The following NUDT5 variants were observed in gnomAD, a reference collection of about 807,000 sequenced individuals.
NUDT5 encodes the protein nudix hydrolase 5.
NUDT5 carries 21 observed loss-of-function variants against 34.1 expected under a neutral mutation model. That is an observed-to-expected ratio of 0.62 (90% CI 0.44 to 0.89). The LOEUF (loss-of-function observed/expected upper bound fraction) is 0.89. Ranked by LOEUF, NUDT5 falls within the 40% of genes least tolerant of loss-of-function variation. The pLI, the probability that NUDT5 is intolerant of heterozygous loss-of-function variation, is 0.00. For missense variants in NUDT5, 249 were observed against 274.8 expected (o/e 0.91, Z 0.66); for synonymous variants, 85 against 97.6 (o/e 0.87, Z 0.76).
In NUDT5 at chr10:12,171,388, G is replaced by A. The variant is rs1436423979; in HGVS notation, c.488-480C>T. Reference sequence around the variant, plus strand: ...TTGTCTATTCTGGGCACCCAGATACGTAGAATCAGAGTATTTGCCCATCAT... The same window carrying A: ...TTGTCTATTCTGGGCACCCAGATACATAGAATCAGAGTATTTGCCCATCAT... On this transcript the variant is annotated intron_variant, in intron 7 of 9. Coordinates refer to ENST00000491614, the MANE Select transcript of NUDT5 (RefSeq NM_014142.4). The surrounding 1 kb of genome is among the most constrained non-coding windows in gnomAD (Gnocchi z 4.2). 6.6e-6 allele frequency among the ~76,000 whole-genome samples: 1 copy of A among 152,146 alleles called. No homozygotes were observed. The highest frequency in any genetic ancestry group is 1.5e-5 in the Non-Finnish European group (1 of 68,032).
chr10:12,189,894 A>AT (rs34725302), intron 1 of NUDT5, among the ~76,000 whole-genome samples: 23 of 130,868 alleles, frequency 1.8e-4, no homozygotes, highest in African/African-American at 5.1e-4. Flanking sequence ...GTGTTCTACA[A>AT]TTTTTTTTTT....
Position 12,169,232 on chromosome 10 carries a change from T to A in NUDT5, c.551-1421A>T. 1 of 1,489,696 alleles carries A rather than the reference T, an allele frequency of 6.7e-7. No individual in the cohort carries two copies. Among genetic ancestry groups the A allele is most frequent in the South Asian group, 1.2e-5 (1 of 81,950 alleles). The allele number at this position is 1,489,696 out of a possible 1,614,324, so 92.3% of individuals were successfully genotyped here. A position where few individuals can be genotyped will look rare whatever the true frequency, so the allele number is the denominator to read the frequency against. On this transcript the variant is annotated intron_variant, in intron 9 of 9. Coordinates refer to ENST00000491614, the MANE Select transcript of NUDT5 (RefSeq NM_014142.4). The surrounding 1 kb of genome is among the most constrained non-coding windows in gnomAD (Gnocchi z 4.8). ...CCCTCTCTCCACCTCCCCTCACTTA[T>A]TCTATTTTTTTCTCCCTTTTCTAAG...
rs1835037473 is a variant in NUDT5 at position 12,181,302 on chromosome 10, T to C, written c.132-2170A>G. 6.6e-6 allele frequency among the ~76,000 whole-genome samples: 1 copy of C among 152,196 alleles called. No individual in the cohort carries two copies. The highest frequency in any genetic ancestry group is 6.5e-5 in the Admixed American group (1 of 15,280). On this transcript the variant is annotated intron_variant, in intron 3 of 9. Transcript: ENST00000491614. The surrounding 1 kb of genome is among the most constrained non-coding windows in gnomAD (Gnocchi z 5.0). ...CATACTGAGTATCTGCATTTTCATA[T>C]CAGGGACTTCAGCATCTGTGGATTT...
At chr10:12,167,937 GTT>G (rs71513318) in intron 9 of NUDT5, 126 bp from the exon 10 acceptor site, 2 of 1,436,758 alleles carry the variant, frequency 1.4e-6, no homozygotes, top group Non-Finnish European at 1.8e-6. Flanking sequence ...TGGTGATAAC[GTT>G]TTTTTTGGTC....
In NUDT5 at chr10:12,182,623, C is replaced by T. The variant is rs1835060161; in HGVS notation, c.131+2266G>A. On this transcript the variant is annotated intron_variant, in intron 3 of 9. Coordinates refer to ENST00000491614, the MANE Select transcript of NUDT5 (RefSeq NM_014142.4). The surrounding 1 kb of genome is among the most constrained non-coding windows in gnomAD (Gnocchi z 4.3). The stretch of plus-strand genomic sequence containing the variant: ...TAGATATTCTGAAGTGAGATTTCGT[C>T]GTATTTTCAGAAAAGTCCCCATATG... Among the ~76,000 whole-genome samples, 1 of 152,132 alleles carries T rather than the reference C, an allele frequency of 6.6e-6. No homozygotes were observed. The highest frequency in any genetic ancestry group is 1.5e-5 in the Non-Finnish European group (1 of 68,030).
At chr10:12,167,916 A>C in intron 9 of NUDT5, 105 bp from the exon 10 acceptor site, 1 of 1,512,230 alleles carries the variant, frequency 6.6e-7, no homozygotes, top group Non-Finnish European at 8.8e-7. Flanking sequence ...GTCACTTCCT[A>C]TGCTAGATGC....
Position 12,195,798 on chromosome 10 carries a change from A to T in NUDT5, c.-70T>A. The stretch of plus-strand genomic sequence containing the variant: ...AAGGTGTAGGGGTGAAGAACGGAAG[A>T]GGACGAAATAACTAGCTGGAGGCAG... On this transcript the variant is annotated 5_prime_UTR_variant, in exon 1 of 10. Coordinates refer to ENST00000491614, the MANE Select transcript of NUDT5 (RefSeq NM_014142.4). The T allele has an allele frequency of 4.6e-6, 1 of 215,904 alleles. No homozygotes were observed. Among genetic ancestry groups the T allele is most frequent in the Non-Finnish European group, 9.6e-6 (1 of 104,454 alleles). 13.4% of individuals were successfully genotyped at this position (215,904 alleles called of 1,614,324 possible).
Position 12,177,821 on chromosome 10 carries a change from C to A in NUDT5, c.261G>T (p.Met87Ile). ...IVLVKQFRPP[M>I]GGYCIEFPAG... ...CAGGGAACTCTATGCAGTAGCCCCC[C>A]ATTGGTGGTCGGAACTGTTTCACCA... The change falls in exon 5 of 10, where the codon ATG becomes ATT. Residue 87 changes from methionine to isoleucine, a missense_variant. Met to Ile is a conservative substitution (Grantham distance 10). Transcript: ENST00000491614. 1 of 1,614,080 alleles carries A rather than the reference C, an allele frequency of 6.2e-7. No homozygotes were observed. The highest frequency in any genetic ancestry group is 8.5e-7 in the Non-Finnish European group (1 of 1,179,928).
Position 12,169,182 on chromosome 10 carries a change from C to G in NUDT5, c.551-1371G>C, listed in dbSNP as rs983884368. 5.5e-6 allele frequency: 5 copies of G among 910,110 alleles called. No individual in the cohort carries two copies. Among genetic ancestry groups the G allele is most frequent in the African/African-American group, 1.7e-5 (1 of 58,876 alleles). The allele number at this position is 910,110 out of a possible 1,614,324, so 56.4% of individuals were successfully genotyped here. A position where few individuals can be genotyped will look rare whatever the true frequency, so the allele number is the denominator to read the frequency against. ...AAGCTAGGCAACTTGGTTCTTTTAC[C>G]CCTCCTCCTTTATAGCCATAGTAGC... On this transcript the variant is annotated intron_variant, in intron 9 of 9. Coordinates refer to ENST00000491614, the MANE Select transcript of NUDT5 (RefSeq NM_014142.4). The surrounding 1 kb of genome is among the most constrained non-coding windows in gnomAD (Gnocchi z 4.8).
In NUDT5 at chr10:12,173,845, C is replaced by T. The variant is rs564965296; in HGVS notation, c.290-32G>A. ...GTCCAAATCATTGGTGTGATGGGAG[C>T]GGGAAATCCGGTTCTTTAAACCCTC... On this transcript the variant is annotated intron_variant, in intron 5 of 9. Coordinates refer to ENST00000491614, the MANE Select transcript of NUDT5 (RefSeq NM_014142.4). The surrounding 1 kb of genome is among the most constrained non-coding windows in gnomAD (Gnocchi z 4.7). The T allele has an allele frequency of 1.3e-5, 19 of 1,473,154 alleles. No individual in the cohort carries two copies. The African/African-American group carries it at 1.5e-4, about 11-fold the overall frequency. The allele number at this position is 1,473,154 out of a possible 1,614,324, so 91.3% of individuals were successfully genotyped here.
Position 12,184,919 on chromosome 10 carries a change from G to GT in NUDT5, c.100dup (p.Thr34AsnfsTer9). ...TTTACCAGTAGGATCCATGTACGTT[G>GT]TTTTTTCAAGCTTGACCCATTTTCC... On this transcript the variant is annotated frameshift_variant, in exon 3 of 10. Transcript: ENST00000491614. LOFTEE classifies it high-confidence loss of function. 1 of 1,586,934 alleles carries GT rather than the reference G, an allele frequency of 6.3e-7. No homozygotes were observed. The highest frequency in any genetic ancestry group is 8.6e-7 in the Non-Finnish European group (1 of 1,160,072).
At position 12,165,531 on chromosome 10, in the gene NUDT5, T is replaced by C. The variant is rs924910395; in HGVS notation, c.*2171A>G. On this transcript the variant is annotated 3_prime_UTR_variant, in exon 10 of 10. Coordinates refer to ENST00000491614, the MANE Select transcript of NUDT5 (RefSeq NM_014142.4). The stretch of plus-strand genomic sequence containing the variant: ...CCTAAATTATTGACAGATAGATAGA[T>C]AGTGACCAACTTAAGGGTAATCATA... The C allele has an allele frequency of 2.3e-5, 5 of 215,098 alleles. No homozygotes were observed. Among genetic ancestry groups the C allele is most frequent in the South Asian group, 1.7e-4 (1 of 5,982 alleles). 13.3% of individuals were successfully genotyped at this position (215,098 alleles called of 1,614,324 possible). A position where few individuals can be genotyped will look rare whatever the true frequency, so the allele number is the denominator to read the frequency against.
At chr10:12,186,475 G>A (rs1014203536) in intron 1 of NUDT5, 143 bp from the exon 2 acceptor site, 12 of 599,752 alleles carry the variant, frequency 2.0e-5, no homozygotes, top group African/African-American at 7.5e-5. Flanking sequence ...GGGAACTGCC[G>A]CAGGTGGAAA....
In NUDT5 at chr10:12,171,380, C is replaced by G. The variant is rs920467303; in HGVS notation, c.488-472G>C. Among the ~76,000 whole-genome samples, 1 of 152,158 alleles carries G rather than the reference C, an allele frequency of 6.6e-6. No individual in the cohort carries two copies. Among genetic ancestry groups the G allele is most frequent in the African/African-American group, 2.4e-5 (1 of 41,438 alleles). The stretch of plus-strand genomic sequence containing the variant: ...CTATCAGTTTGTCTATTCTGGGCAC[C>G]CAGATACGTAGAATCAGAGTATTTG... On this transcript the variant is annotated intron_variant, in intron 7 of 9. Coordinates refer to ENST00000491614, the MANE Select transcript of NUDT5 (RefSeq NM_014142.4). This position sits in a 1 kb window ranked among gnomAD's most constrained non-coding sequence, Gnocchi z 4.2.
chr10:12,178,482 G>A (rs1040693996), intron 4 of NUDT5, among the ~76,000 whole-genome samples: 3 of 152,236 alleles, frequency 2.0e-5, no homozygotes, highest in African/African-American at 4.8e-5. Context: ...TATCTGTGAA[G>A]CCAGCAGCAG....
chr10:12,188,932 C>G (rs1224495757), intron 1 of NUDT5, among the ~76,000 whole-genome samples: 1 of 152,106 alleles, frequency 6.6e-6, no homozygotes, highest in Non-Finnish European at 1.5e-5. Context: ...ACGGAGTGAT[C>G]AGGCAAGGCC....
In NUDT5 at chr10:12,175,223, G is replaced by A. The variant is rs1181516423; in HGVS notation, c.290-1410C>T. ...GTATTCCAGCTACGCGGGAGGCTGA[G>A]GCAGGAGAATCGCTTGACCCTGTTA... On this transcript the variant is annotated intron_variant, in intron 5 of 9. Coordinates refer to ENST00000491614, the MANE Select transcript of NUDT5 (RefSeq NM_014142.4). This position sits in a 1 kb window ranked among gnomAD's most constrained non-coding sequence, Gnocchi z 4.8. 2.6e-5 allele frequency among the ~76,000 whole-genome samples: 4 copies of A among 152,174 alleles called. No homozygotes were observed. Among genetic ancestry groups the A allele is most frequent in the Non-Finnish European group, 5.9e-5 (4 of 68,042 alleles).
At chr10:12,185,850 TAAC>T (rs1835118015) in intron 2 of NUDT5, among the ~76,000 whole-genome samples, 1 of 152,202 alleles carries the variant, frequency 6.6e-6, no homozygotes, top group African/African-American at 2.4e-5. Context: ...AGACTACAAT[TAAC>T]AACGTAGGTT....
At position 12,188,464 on chromosome 10, in the gene NUDT5, G is replaced by A. The variant is rs547252832; in HGVS notation, c.-41-2132C>T. ...GGTGAGGCCGGGTGCGGTGGCTCAC[G>A]CCTCACGCCTACAATCCCAGCACTT... On this transcript the variant is annotated intron_variant, in intron 1 of 9. Coordinates refer to ENST00000491614, the MANE Select transcript of NUDT5 (RefSeq NM_014142.4). Among the ~76,000 whole-genome samples, 7 of 152,320 alleles carry A rather than the reference G, an allele frequency of 4.6e-5. No individual in the cohort carries two copies. The South Asian group carries it at 6.2e-4, about 14-fold the overall frequency.
Sources: gnomAD v4.1 joint callset for allele counts (sites outside exome capture counted in the v4.1 genomes callset) on GRCh38, gnomAD v4.1.1 for gene constraint, Gnocchi (gnomAD v3.1) non-coding constraint, MANE v1.5 for transcripts, NCBI Gene and HGNC (gene_info 2026-07-23, HGNC 2026-07-21) for gene names.